TFB1M: variants seen among roughly 807,000 people sequenced by gnomAD.
The protein encoded by TFB1M is transcription factor B1, mitochondrial.
A neutral mutation model predicts 31.1 loss-of-function variants in TFB1M; 27 were observed. The ratio of observed to expected loss-of-function variants is 0.87; its 90% confidence interval spans 0.64 to 1.20. The LOEUF (loss-of-function observed/expected upper bound fraction) is 1.20. Ranked by LOEUF, TFB1M falls within the 50% of genes most tolerant of loss-of-function variation. The pLI, the probability that TFB1M is intolerant of heterozygous loss-of-function variation, is 0.00. For synonymous variants in TFB1M, 166 were observed against 151.8 expected (o/e 1.09, Z -0.69); for missense variants, 394 against 418.7 (o/e 0.94, Z 0.51).
the TFB1M span, chr6:155,247,871 G>A: frequency 8.4e-6 from 10 of 1,195,206 alleles, no homozygotes; most frequent in African/African-American, 6.1e-5. Flanking sequence ...CTGATGTGTT[G>A]GGGTTTTCAT....
intron 4 of TFB1M, among the ~76,000 whole-genome samples, chr6:155,296,305 G>C (rs1049041018): frequency 2.0e-5 from 3 of 151,848 alleles, no homozygotes; most frequent in African/African-American, 7.3e-5. Context: ...TGTTACCCAA[G>C]CTGGAGTGCA....
At chr6:155,239,181 G>A in the TFB1M span, among the ~76,000 whole-genome samples, 3 of 152,242 alleles carry the variant, frequency 2.0e-5, no homozygotes, top group Non-Finnish European at 2.9e-5. Flanking sequence ...ACCCAAGACA[G>A]AGATGGATAG....
downstream of TFB1M, chr6:155,254,614 T>C: frequency 6.3e-7 from 1 of 1,598,680 alleles, no homozygotes; most frequent in South Asian, 1.1e-5. Context: ...AACAAAATAT[T>C]ATGAGCTTCT....
chr6:155,235,877 G>A, the TFB1M span, among the ~76,000 whole-genome samples: 1 of 152,168 alleles, frequency 6.6e-6, no homozygotes, highest in African/African-American at 2.4e-5. Flanking sequence ...CTTTAACACT[G>A]CATTGTTAGG....
intron 4 of TFB1M, among the ~76,000 whole-genome samples, chr6:155,293,452 C>A (rs563796981): frequency 1.8e-4 from 27 of 152,280 alleles, no homozygotes; most frequent in African/African-American, 4.1e-4. Flanking sequence ...TAGCATATGA[C>A]AAGGAAGTCT....
At chr6:155,287,011 G>C (rs559282856) in intron 4 of TFB1M, among the ~76,000 whole-genome samples, 1 of 151,882 alleles carries the variant, frequency 6.6e-6, no homozygotes, top group African/African-American at 2.4e-5. Context: ...TCACATAAGA[G>C]AAATCCAAAT....
In TFB1M at chr6:155,258,037, C is replaced by G; in HGVS notation, c.840G>C (p.Leu280=). 1 of 1,614,226 alleles carries G rather than the reference C, an allele frequency of 6.2e-7. No individual in the cohort carries two copies. The highest frequency in any genetic ancestry group is 2.2e-5 in the East Asian group (1 of 44,888). Residue 280 remains leucine (L), a synonymous_variant, in exon 7 of 7, where the codon CTG becomes CTC. Transcript: ENST00000367166. ...EAQRLESTGR[L]LELADIDPTL... is the part of the protein sequence containing the mutation. The stretch of plus-strand genomic sequence containing the variant: ...TAGGGTCTATGTCTGCCAACTCTAA[C>G]AGCCTGCCCGTGCTTTCCAAGCGCT...
the TFB1M span, chr6:155,249,785 A>AT: frequency 1.5e-6 from 2 of 1,358,770 alleles, no homozygotes; most frequent in Non-Finnish European, 2.0e-6. Context: ...TCCATTCATT[A>AT]TTACTGTTGG....
intron 5 of TFB1M, among the ~76,000 whole-genome samples, chr6:155,279,443 C>T (rs966213901): frequency 6.6e-6 from 1 of 152,036 alleles, no homozygotes; most frequent in African/African-American, 2.4e-5. Flanking sequence ...AAGATGACCT[C>T]CAAGGTTTAG....
At chr6:155,267,647 T>C (rs1784720418) in intron 5 of TFB1M, among the ~76,000 whole-genome samples, 1 of 152,196 alleles carries the variant, frequency 6.6e-6, no homozygotes, top group Admixed American at 6.5e-5. Context: ...AGCAGGCCAT[T>C]TCAGCAGCTA....
intron 2 of TFB1M, among the ~76,000 whole-genome samples, chr6:155,300,045 A>G (rs1285846704): frequency 6.6e-6 from 1 of 152,228 alleles, no homozygotes; most frequent in South Asian, 2.1e-4. Context: ...AAGTGCATGA[A>G]TAAGTGAATG....
chr6:155,296,880 A>G, intron 4 of TFB1M, 73 bp downstream of exon 4: 1 of 1,368,150 alleles, frequency 7.3e-7, no homozygotes, highest in South Asian at 1.2e-5. Flanking sequence ...AGACTGTGGT[A>G]AAAATGCAGT....
intron 3 of TFB1M, among the ~76,000 whole-genome samples, chr6:155,297,366 A>C (rs1434462568): frequency 6.6e-6 from 1 of 152,230 alleles, no homozygotes; most frequent in Non-Finnish European, 1.5e-5. Flanking sequence ...TAGGAAATAC[A>C]GGAAAAAGAG....
chr6:155,272,114 G>T (rs1325364988), intron 5 of TFB1M, among the ~76,000 whole-genome samples: 1 of 152,086 alleles, frequency 6.6e-6, no homozygotes, highest in Non-Finnish European at 1.5e-5. Flanking sequence ...CACGTATATG[G>T]TTTTTCTTCA....
At chr6:155,244,239 T>C in the TFB1M span, among the ~76,000 whole-genome samples, 1 of 152,224 alleles carries the variant, frequency 6.6e-6, no homozygotes, top group African/African-American at 2.4e-5. Context: ...CCTAAACCAC[T>C]GCTGTGGCCT....
At chr6:155,282,896 T>A (rs904170562) in intron 5 of TFB1M, among the ~76,000 whole-genome samples, 1 of 151,856 alleles carries the variant, frequency 6.6e-6, no homozygotes, top group African/African-American at 2.4e-5. Flanking sequence ...CCCGGCTAAT[T>A]TTTTGTATTT....
intron 5 of TFB1M, among the ~76,000 whole-genome samples, chr6:155,280,767 G>A (rs1785461648): frequency 6.6e-6 from 1 of 152,176 alleles, no homozygotes; most frequent in Non-Finnish European, 1.5e-5. Flanking sequence ...AAAAACAGTT[G>A]TCTCTTCTGT....
intron 4 of TFB1M, among the ~76,000 whole-genome samples, chr6:155,289,749 T>G (rs1178282922): frequency 6.6e-6 from 1 of 152,212 alleles, no homozygotes; most frequent in Non-Finnish European, 1.5e-5. Context: ...TGCGAATTAC[T>G]GTCCCTGCCC....
chr6:155,251,515 GACCTCAGGTGATCC>G (rs1446689892), downstream of TFB1M, among the ~76,000 whole-genome samples: 3 of 152,108 alleles, frequency 2.0e-5, no homozygotes, highest in Non-Finnish European at 4.4e-5. Flanking sequence ...TCGAACTCCT[GACCTCAGGTGATCC>G]ACCTGCCTCA....
Sources: gnomAD v4.1 joint callset for allele counts (sites outside exome capture counted in the v4.1 genomes callset) on GRCh38, gnomAD v4.1.1 for gene constraint, MANE v1.5 for transcripts, NCBI Gene and HGNC (gene_info 2026-07-23, HGNC 2026-07-21) for gene names.